LGR5: variants seen among roughly 807,000 people sequenced by gnomAD.
LGR5 encodes leucine rich repeat containing G protein-coupled receptor 5.
Under a neutral mutation model 76.7 loss-of-function variants are expected in LGR5, and 54 were observed. The ratio of observed to expected loss-of-function variants is 0.70; its 90% CI spans 0.57 to 0.88. The LOEUF (loss-of-function observed/expected upper bound fraction) is 0.88, where lower values mean the gene tolerates loss of function less well. Among genes scored for constraint, LGR5 ranks in the 40% least tolerant of loss-of-function variants. The probability of loss-of-function intolerance (pLI) is 0.00; values close to 1 mark genes in which losing one functional copy is unlikely to be tolerated. For synonymous variants in LGR5, 406 were observed against 421.9 expected (o/e 0.96, Z 0.46); for missense variants, 1,078 against 1,073.3 (o/e 1.00, Z -0.06).
chr12:71,556,574 T>A (rs1250316688), intron 5 of LGR5, 45 bp from the exon 6 acceptor site: 2 of 1,169,616 alleles, frequency 1.7e-6, no homozygotes, highest in African/African-American at 3.0e-5. Context: ...TTAAGTGTGG[T>A]CTGTGCAGTG....
chr12:71,538,341 CT>C (rs1414342644), intron 4 of LGR5, among the ~76,000 whole-genome samples: 10 of 151,886 alleles, frequency 6.6e-5, no homozygotes, highest in African/African-American at 2.4e-4. Context: ...AGTGAGACCC[CT>C]GTCTCTCTAT....
At chr12:71,517,563 A>G (rs1313127459) in intron 2 of LGR5, among the ~76,000 whole-genome samples, 3 of 152,232 alleles carry the variant, frequency 2.0e-5, no homozygotes, top group African/African-American at 7.2e-5. Context: ...CTACTTGATG[A>G]TACTGTCACA....
chr12:71,512,333 C>T (rs1367325194), intron 2 of LGR5, among the ~76,000 whole-genome samples: 1 of 152,210 alleles, frequency 6.6e-6, no homozygotes, highest in Non-Finnish European at 1.5e-5. Context: ...TGTCCTAATT[C>T]TGTCAACAAT....
chr12:71,473,458 C>A (rs1489469482), intron 1 of LGR5, among the ~76,000 whole-genome samples: 1 of 151,804 alleles, frequency 6.6e-6, no homozygotes, highest in African/African-American at 2.4e-5. Context: ...TTTCCACTGC[C>A]CTGTCTGTTT....
At chr12:71,493,627 G>A (rs1282479123) in intron 1 of LGR5, among the ~76,000 whole-genome samples, 1 of 151,192 alleles carries the variant, frequency 6.6e-6, no homozygotes, top group Non-Finnish European at 1.5e-5. Flanking sequence ...TTTCACAAAT[G>A]AGTTTGTGGA....
chr12:71,443,272 G>C (rs1871846519), intron 1 of LGR5, among the ~76,000 whole-genome samples: 1 of 152,162 alleles, frequency 6.6e-6, no homozygotes. Flanking sequence ...CACTATTTAT[G>C]TGCCATTTTG....
intron 1 of LGR5, among the ~76,000 whole-genome samples, chr12:71,453,198 T>C (rs1464287380): frequency 1.3e-5 from 2 of 152,222 alleles, no homozygotes; most frequent in African/African-American, 4.8e-5. Context: ...ACAACTGTTA[T>C]AAATAAAAAT....
chr12:71,533,665 T>A (rs1291844374), intron 3 of LGR5, among the ~76,000 whole-genome samples: 1 of 152,208 alleles, frequency 6.6e-6, no homozygotes, highest in African/African-American at 2.4e-5. Flanking sequence ...AAGGGCCTAT[T>A]AATGTACATT....
intron 1 of LGR5, among the ~76,000 whole-genome samples, chr12:71,462,924 GTCATA>G (rs2137230068): frequency 6.6e-6 from 1 of 152,206 alleles, no homozygotes; most frequent in East Asian, 1.9e-4. Context: ...CACCAAAGTA[GTCATA>G]TCATATATGG....
chr12:71,549,167 G>A (rs113817891), intron 4 of LGR5, among the ~76,000 whole-genome samples: 55 of 152,298 alleles, frequency 3.6e-4, no homozygotes, highest in African/African-American at 1.2e-3. Flanking sequence ...CCTTGTTGTG[G>A]AAGAACCACC....
At chr12:71,497,408 G>A (rs1874383125) in intron 1 of LGR5, among the ~76,000 whole-genome samples, 1 of 151,650 alleles carries the variant, frequency 6.6e-6, no homozygotes, top group Admixed American at 6.6e-5. Context: ...GAGGGAGGGA[G>A]GAAGGAAAAT....
At chr12:71,498,235 A>G (rs1310016673) in intron 1 of LGR5, among the ~76,000 whole-genome samples, 1 of 152,222 alleles carries the variant, frequency 6.6e-6, no homozygotes, top group Non-Finnish European at 1.5e-5. Flanking sequence ...GGTGAGCAAA[A>G]CACAAAGAGA....
intron 2 of LGR5, among the ~76,000 whole-genome samples, chr12:71,517,092 C>T (rs1875483326): frequency 6.6e-6 from 1 of 151,528 alleles, no homozygotes; most frequent in South Asian, 2.1e-4. Flanking sequence ...TTCAAATCAT[C>T]ACAACAAAGG....
At chr12:71,572,112 C>T (rs1170495720) in intron 12 of LGR5, among the ~76,000 whole-genome samples, 4 of 145,980 alleles carry the variant, frequency 2.7e-5, no homozygotes, top group African/African-American at 1.0e-4. Context: ...AAGATGGAGT[C>T]TCGCTCTGTC....
At chr12:71,480,995 T>G (rs1426861056) in intron 1 of LGR5, among the ~76,000 whole-genome samples, 1 of 152,194 alleles carries the variant, frequency 6.6e-6, no homozygotes, top group African/African-American at 2.4e-5. Context: ...TAACAACATT[T>G]AGGCTCCATT....
At chr12:71,467,008 G>A (rs1376908166) in intron 1 of LGR5, among the ~76,000 whole-genome samples, 1 of 146,750 alleles carries the variant, frequency 6.8e-6, no homozygotes, top group Non-Finnish European at 1.5e-5. Flanking sequence ...TGTGGACCAG[G>A]TTTTTTTTTT....
intron 8 of LGR5, among the ~76,000 whole-genome samples, chr12:71,564,752 AC>A (rs1878247197): frequency 6.8e-6 from 1 of 146,612 alleles, no homozygotes; most frequent in African/African-American, 2.5e-5. Context: ...GTATATATAT[AC>A]ATATATACAT....
Position 71,583,896 on chromosome 12 carries a change from C to A in LGR5, c.1886C>A (p.Ala629Asp), listed in dbSNP as rs762093574. 3.7e-6 allele frequency: 6 copies of A among 1,614,098 alleles called. No individual in the cohort carries two copies. The highest frequency in any genetic ancestry group is 5.1e-6 in the Non-Finnish European group (6 of 1,180,020). The change falls in exon 18 of 18, where the codon GCC becomes GAC. Residue 629 changes from alanine to aspartate, a missense_variant. Ala to Asp is a moderately radical substitution (Grantham distance 126). Transcript: ENST00000266674. ...FTFGSFARHG[A>D]WWENGVGCHV... The stretch of plus-strand genomic sequence containing the variant: ...TTTGGCAGCTTTGCACGACATGGTG[C>A]CTGGTGGGAGAATGGGGTTGGTTGC...
intron 1 of LGR5, among the ~76,000 whole-genome samples, chr12:71,450,119 C>T (rs1053105036): frequency 1.3e-5 from 2 of 152,104 alleles, no homozygotes; most frequent in East Asian, 1.9e-4. Context: ...CTGAAAATCA[C>T]GCAGCTAGCA....
Sources: gnomAD v4.1 joint callset for allele counts (sites outside exome capture counted in the v4.1 genomes callset) on GRCh38, gnomAD v4.1.1 for gene constraint, MANE v1.5 for transcripts, NCBI Gene and HGNC (gene_info 2026-07-23, HGNC 2026-07-21) for gene names.